Variants in PRKG1 observed in about 807,000 individuals in gnomAD.
PRKG1 encodes the protein cGMP-dependent protein kinase 1.
In PRKG1, 35 loss-of-function variants were observed where a neutral mutation model predicts 88.1. The ratio of observed to expected loss-of-function variants is 0.40; its 90% CI spans 0.30 to 0.53. The LOEUF (loss-of-function observed/expected upper bound fraction) is 0.53, where lower values mean the gene tolerates loss of function less well. Among genes scored for constraint, PRKG1 ranks in the 20% least tolerant of loss-of-function variants. The pLI is 0.59. For missense variants in PRKG1, 540 were observed against 839.8 expected, an observed-to-expected ratio of 0.64 and a Z score of 4.41; for synonymous variants, 303 against 292.5, an observed-to-expected ratio of 1.04 and a Z score of -0.37.
chr10:51,227,709 G>C (rs1426728205), intron 2 of PRKG1, among the ~76,000 whole-genome samples: 1 of 152,162 alleles, frequency 6.6e-6, no homozygotes, highest in East Asian at 1.9e-4. Context: ...CAACAGCGAA[G>C]GGAATTTAAT....
At chr10:52,232,919 G>T (rs983692164) in intron 9 of PRKG1, among the ~76,000 whole-genome samples, 28 of 152,172 alleles carry the variant, frequency 1.8e-4, no homozygotes, top group African/African-American at 6.0e-4. Context: ...GTTTATAACT[G>T]CAAAGTTAAA....
intron 1 of PRKG1, among the ~76,000 whole-genome samples, chr10:51,132,476 G>A (rs890410768): frequency 3.3e-5 from 5 of 151,892 alleles, no homozygotes; most frequent in Non-Finnish European, 7.4e-5. Context: ...GTCATCATAA[G>A]GCTATTTCTT....
intron 3 of PRKG1, chr10:51,698,289 G>A (rs144891671): frequency 1.9e-4 from 309 of 1,613,920 alleles, no homozygotes; most frequent in Non-Finnish European, 1.7e-4. Flanking sequence ...TCCATGGCAC[G>A]AGTCTCCATC....
chr10:52,122,719 C>G (rs1847848260), intron 7 of PRKG1, among the ~76,000 whole-genome samples: 1 of 151,960 alleles, frequency 6.6e-6, no homozygotes, highest in Admixed American at 6.6e-5. Context: ...CCATTTGTAC[C>G]CTAACAAGAA....
rs1491078941 is a variant in PRKG1, at chr10:51,856,973, AAG to A, written c.699-50532_699-50531del. ...AGCGAGACTCCGTCTTACTAAAAAAAAGAAAAAAAAAAAAAGAAAGAAAGTAA... is the reference window on the plus strand; with the variant it reads ...AGCGAGACTCCGTCTTACTAAAAAAAAAAAAAAAAAAAAGAAAGAAAGTAA... On this transcript the variant is annotated intron_variant, in intron 4 of 17. Transcript: ENST00000373980. Among the ~76,000 whole-genome samples, 548 of 75,158 alleles carry A rather than the reference AAG, an allele frequency of 7.3e-3. 6 individuals are homozygous for A. The highest frequency in any genetic ancestry group is 0.02 in the African/African-American group (379 of 18,722). 49.3% of individuals were successfully genotyped at this position (75,158 alleles called of 152,430 possible). A position where few individuals can be genotyped will look rare whatever the true frequency, so the allele number is the denominator to read the frequency against.
intron 5 of PRKG1, among the ~76,000 whole-genome samples, chr10:51,934,644 G>A (rs1452948548): frequency 6.6e-6 from 1 of 152,118 alleles, no homozygotes; most frequent in Non-Finnish European, 1.5e-5. Flanking sequence ...CACCATAGCA[G>A]AGGCAAAGGT....
Position 51,957,001 on chromosome 10 carries a change from C to T in PRKG1, c.762+49431C>T, listed in dbSNP as rs549112872. 5.3e-5 allele frequency among the ~76,000 whole-genome samples: 8 copies of T among 150,110 alleles called. No individual in the cohort carries two copies. In the South Asian group the frequency reaches 1.7e-3, roughly 32 times the overall value. On this transcript the variant is annotated intron_variant, in intron 5 of 17. Coordinates refer to ENST00000373980, the MANE Select transcript of PRKG1 (RefSeq NM_006258.4). ...CTCTCTCTCTTTCTTTCCTCTTTCT[C>T]TTTCTTTCTCTCTCTCTCTTTTCCT...
At chr10:51,438,443 C>T (rs1348457540) in intron 2 of PRKG1, among the ~76,000 whole-genome samples, 1 of 151,774 alleles carries the variant, frequency 6.6e-6, no homozygotes, top group African/African-American at 2.4e-5. Flanking sequence ...TTAGGCTCTT[C>T]TTAGGTATGA....
rs368431439 is a variant in PRKG1, at chr10:51,644,786, T to G, written c.593-159799T>G. On this transcript the variant is annotated intron_variant, in intron 3 of 17. Coordinates refer to ENST00000373980, the MANE Select transcript of PRKG1 (RefSeq NM_006258.4). ...TTGGCTTCCTTCCTTCCTCGCTTCC[T>G]CCCTTCCTTCCTTTCTTGAGACCAA... Among the ~76,000 whole-genome samples, 5 of 152,186 alleles carry G rather than the reference T, an allele frequency of 3.3e-5. No individual in the cohort carries two copies. The South Asian group carries it at 8.3e-4, about 25-fold the overall frequency.
intron 2 of PRKG1, among the ~76,000 whole-genome samples, chr10:51,204,524 G>T (rs572120504): frequency 6.6e-6 from 1 of 151,958 alleles, no homozygotes; most frequent in Non-Finnish European, 1.5e-5. Context: ...TTTTTAACAG[G>T]ATCTTTTCAT....
chr10:51,495,390 C>T (rs1008517485), intron 3 of PRKG1, among the ~76,000 whole-genome samples: 4 of 152,168 alleles, frequency 2.6e-5, no homozygotes, highest in East Asian at 1.9e-4. Context: ...CCACCGCACC[C>T]GACCCTGAAT....
intron 4 of PRKG1, among the ~76,000 whole-genome samples, chr10:51,896,073 A>G (rs990333525): frequency 6.6e-6 from 1 of 152,160 alleles, no homozygotes; most frequent in African/African-American, 2.4e-5. Context: ...AGAGTTAAAC[A>G]ATGAATGTGA....
chr10:52,229,146 A>T (rs150910860), intron 9 of PRKG1, among the ~76,000 whole-genome samples: 1 of 151,900 alleles, frequency 6.6e-6, no homozygotes, highest in African/African-American at 2.4e-5. Context: ...TCTCTTTTCT[A>T]TTTATTTTAT....
intron 5 of PRKG1, among the ~76,000 whole-genome samples, chr10:52,042,016 A>G (rs1440352106): frequency 1.3e-5 from 2 of 152,136 alleles, no homozygotes; most frequent in Non-Finnish European, 2.9e-5. Context: ...GTGAAGCAAG[A>G]TCTCTACACT....
chr10:51,320,278 C>G (rs1267547397), intron 2 of PRKG1: 2 of 168,176 alleles, frequency 1.2e-5, no homozygotes, highest in Non-Finnish European at 2.8e-5. Context: ...AATCCTGCAA[C>G]CAGATATTAG....
chr10:51,960,580 C>A (rs750174308), intron 5 of PRKG1, among the ~76,000 whole-genome samples: 4 of 151,388 alleles, frequency 2.6e-5, no homozygotes, highest in Admixed American at 1.3e-4. Context: ...ATATCGTTAC[C>A]CACAGTGCCA....
chr10:51,143,823 G>T (rs1026600227), intron 1 of PRKG1, among the ~76,000 whole-genome samples: 16 of 151,368 alleles, frequency 1.1e-4, no homozygotes, highest in African/African-American at 3.4e-4. Flanking sequence ...GGTTATTTGG[G>T]TTTTTTTTGC....
At chr10:51,497,006 C>T (rs1840877879) in intron 3 of PRKG1, among the ~76,000 whole-genome samples, 2 of 152,116 alleles carry the variant, frequency 1.3e-5, no homozygotes, top group South Asian at 2.1e-4. Context: ...ATGGGCCTGT[C>T]GTCGTTTATC....
intron 9 of PRKG1, among the ~76,000 whole-genome samples, chr10:52,208,490 A>G (rs1206887111): frequency 6.6e-6 from 1 of 152,234 alleles, no homozygotes; most frequent in Non-Finnish European, 1.5e-5. Context: ...AAAATCCTCC[A>G]GCATCATACA....
Sources: allele counts gnomAD v4.1 joint callset (sites outside exome capture counted in the v4.1 genomes callset), GRCh38; gene constraint gnomAD v4.1.1; transcripts MANE v1.5; gene names NCBI Gene and HGNC (gene_info 2026-07-23, HGNC 2026-07-21).